NUP98: variants seen among roughly 807,000 people sequenced by gnomAD.
NUP98 encodes the protein nuclear pore complex protein Nup98-Nup96.
In NUP98, 26 loss-of-function variants were observed where a neutral mutation model predicts 191.9. The observed-to-expected ratio is 0.14, with a 90% CI of 0.10 to 0.19. The LOEUF is 0.19. Among genes scored for constraint, NUP98 ranks in the 10% least tolerant of loss-of-function variants. The probability of loss-of-function intolerance (pLI) is 1.00; values close to 1 mark genes in which losing one functional copy is unlikely to be tolerated. For missense variants in NUP98, 1,941 were observed against 2,178.8 expected, an observed-to-expected ratio of 0.89 and a Z score of 2.17; for synonymous variants, 808 against 778.4, an observed-to-expected ratio of 1.04 and a Z score of -0.63.
At position 3,731,269 on chromosome 11, in the gene NUP98, C is replaced by T. The variant is rs142044803; in HGVS notation, c.1730+122G>A. On this transcript the variant is annotated intron_variant, in intron 14 of 32. Transcript: ENST00000324932. The stretch of plus-strand genomic sequence containing the variant: ...ACAGAGTAAGACTCTGTCTCAAAAA[C>T]AAAAACAAAAACAAAGTGGACTGTA... The T allele has an allele frequency of 1.1e-3, 749 of 674,048 alleles. 4 individuals carry two copies. The African/African-American group carries it at 0.013, about 12-fold the overall frequency. The allele number at this position is 674,048 out of a possible 1,614,324, so 41.8% of individuals were successfully genotyped here. A position where few individuals can be genotyped will look rare whatever the true frequency, so the allele number is the denominator to read the frequency against.
intron 19 of NUP98, among the ~76,000 whole-genome samples, chr11:3,713,394 T>A (rs1194389632): frequency 6.6e-6 from 1 of 152,218 alleles, no homozygotes; most frequent in Admixed American, 6.6e-5. Context: ...TCATAATGTA[T>A]CTGTACATCT....
At chr11:3,705,142 A>G (rs2078821186) in intron 22 of NUP98, 58 bp downstream of exon 22, 17 of 1,552,412 alleles carry the variant, frequency 1.1e-5, no homozygotes, top group Non-Finnish European at 1.4e-5. Context: ...AGAAAAGTGA[A>G]AAGCAGGACT....
chr11:3,763,140 G>A, intron 8 of NUP98, 101 bp from the exon 9 acceptor site: 2 of 1,077,190 alleles, frequency 1.9e-6, no homozygotes, highest in South Asian at 1.6e-5. Context: ...AAGCTTATAT[G>A]ACAGATATTA....
chr11:3,748,232 C>G (rs2080583913), intron 11 of NUP98, among the ~76,000 whole-genome samples: 1 of 152,082 alleles, frequency 6.6e-6, no homozygotes, highest in African/African-American at 2.4e-5. Flanking sequence ...TAATCATAAC[C>G]TACAAGATCC....
At chr11:3,791,112 G>A (rs1331791427) in intron 1 of NUP98, among the ~76,000 whole-genome samples, 2 of 151,916 alleles carry the variant, frequency 1.3e-5, no homozygotes, top group African/African-American at 2.4e-5. Context: ...AGCCAGGATG[G>A]TCTCGATCTC....
At chr11:3,781,717 T>A (rs1247823137) in intron 2 of NUP98, among the ~76,000 whole-genome samples, 1 of 152,030 alleles carries the variant, frequency 6.6e-6, no homozygotes, top group African/African-American at 2.4e-5. Context: ...AGTTATTTCA[T>A]AACTGCATTT....
At chr11:3,731,816 T>C (rs1044656641) in intron 13 of NUP98, among the ~76,000 whole-genome samples, 3 of 152,202 alleles carry the variant, frequency 2.0e-5, no homozygotes, top group African/African-American at 7.2e-5. Context: ...TTTTGAAATA[T>C]TTGCATTATA....
intron 7 of NUP98, among the ~76,000 whole-genome samples, chr11:3,770,728 T>A (rs1224390267): frequency 6.6e-6 from 1 of 152,216 alleles, no homozygotes; most frequent in African/African-American, 2.4e-5. Context: ...ATATGTGCAT[T>A]ACTTTTGCAA....
At chr11:3,735,509 G>A (rs1260330253) in intron 12 of NUP98, among the ~76,000 whole-genome samples, 185 bp from the exon 13 acceptor site, 1 of 151,994 alleles carries the variant, frequency 6.6e-6, no homozygotes, top group Admixed American at 6.6e-5. Flanking sequence ...AATCAAATAA[G>A]CTAATAGGTC....
At chr11:3,781,430 G>A (rs1222626827) in intron 2 of NUP98, 1 of 145,288 alleles carries the variant, frequency 6.9e-6, no homozygotes, top group Non-Finnish European at 1.5e-5. Context: ...GTCTAGCAGG[G>A]TTTCTGGTTT....
At chr11:3,713,727 A>G in intron 19 of NUP98, 91 bp downstream of exon 19, 5 of 1,235,814 alleles carry the variant, frequency 4.0e-6, no homozygotes, top group East Asian at 2.4e-5. Flanking sequence ...CAATCAATCA[A>G]TAGAATTTAG....
At chr11:3,758,390 A>G (rs1589895984) in intron 10 of NUP98, among the ~76,000 whole-genome samples, 1 of 152,214 alleles carries the variant, frequency 6.6e-6, no homozygotes, top group East Asian at 1.9e-4. Context: ...AAATGAAAAA[A>G]TAGTCTACAA....
chr11:3,760,112 C>CA (rs67500611), intron 10 of NUP98: 13,199 of 121,062 alleles, frequency 0.11, 1,133 homozygotes, highest in African/African-American at 0.26. Context: ...TGTTCTCCAC[C>CA]AAAAAAAAAA....
chr11:3,695,652 G>T, intron 25 of NUP98, 46 bp from the exon 26 acceptor site: 4 of 1,342,952 alleles, frequency 3.0e-6, no homozygotes, highest in Non-Finnish European at 2.9e-6. Context: ...AGGGTTTATG[G>T]ACTTCGTCAA....
rs1248720943 is a variant in NUP98, at chr11:3,675,500, C to T, written c.*659G>A. On this transcript the variant is annotated 3_prime_UTR_variant, in exon 33 of 33. Transcript: ENST00000324932. ...TCACATGTGACCAAGGGTTCCTGCA[C>T]ATAGTAGTAGCAAAGGTATGGTGTT... The T allele has an allele frequency of 8.7e-6, 2 of 230,230 alleles. No homozygotes were observed. 14.3% of individuals were successfully genotyped at this position (230,230 alleles called of 1,614,324 possible). A position where few individuals can be genotyped will look rare whatever the true frequency, so the allele number is the denominator to read the frequency against.
intron 22 of NUP98, among the ~76,000 whole-genome samples, chr11:3,703,683 C>T (rs772955760): frequency 6.6e-6 from 1 of 152,010 alleles, no homozygotes. Context: ...CTAAAGGTAA[C>T]GATTTCTTAG....
At chr11:3,724,220 T>C (rs1030860748) in intron 15 of NUP98, among the ~76,000 whole-genome samples, 8 of 151,724 alleles carry the variant, frequency 5.3e-5, no homozygotes, top group Non-Finnish European at 7.4e-5. Flanking sequence ...TCGCTTGAGG[T>C]CAGGAGTTCA....
chr11:3,745,356 C>T (rs551876378), intron 11 of NUP98, among the ~76,000 whole-genome samples: 1 of 152,258 alleles, frequency 6.6e-6, no homozygotes, highest in South Asian at 2.1e-4. Context: ...AAAAGCTCAA[C>T]GTCTTCTGGT....
intron 22 of NUP98, among the ~76,000 whole-genome samples, chr11:3,704,762 T>C: frequency 6.6e-6 from 1 of 152,174 alleles, no homozygotes; most frequent in South Asian, 2.1e-4. Flanking sequence ...TCTCAGCACT[T>C]TGGGAAGCTG....
Sources: gnomAD v4.1 joint callset for allele counts (sites outside exome capture counted in the v4.1 genomes callset) on GRCh38, gnomAD v4.1.1 for gene constraint, MANE v1.5 for transcripts, NCBI Gene and HGNC (gene_info 2026-07-23, HGNC 2026-07-21) for gene names.